Variants in L3MBTL3 observed in about 807,000 individuals in gnomAD.
The protein encoded by L3MBTL3 is lethal(3)malignant brain tumor-like protein 3.
L3MBTL3 carries 27 observed loss-of-function variants against 102.3 expected under a neutral mutation model. The observed-to-expected ratio is 0.26, with a 90% CI of 0.19 to 0.36. L3MBTL3 has a LOEUF of 0.36. Among genes scored for constraint, L3MBTL3 ranks in the 10% least tolerant of loss-of-function variants. L3MBTL3 has a pLI of 1.00. For synonymous variants in L3MBTL3, 340 were observed against 320.9 expected, an observed-to-expected ratio of 1.06 and a Z score of -0.64; for missense variants, 798 against 955.3, an observed-to-expected ratio of 0.84 and a Z score of 2.17.
intron 10 of L3MBTL3, among the ~76,000 whole-genome samples, chr6:130,062,990 C>CTTTTTT (rs367985147): frequency 1.6e-5 from 2 of 126,206 alleles, no homozygotes; most frequent in Non-Finnish European, 1.6e-5. Flanking sequence ...TCTTGCCTTT[C>CTTTTTT]TTTTTTTTTT....
chr6:130,099,913 A>G (rs1784581201), intron 18 of L3MBTL3, among the ~76,000 whole-genome samples: 1 of 152,212 alleles, frequency 6.6e-6, no homozygotes, highest in African/African-American at 2.4e-5. Flanking sequence ...CACACAATCC[A>G]TGTTAGTTCT....
intron 19 of L3MBTL3, among the ~76,000 whole-genome samples, chr6:130,120,163 C>A (rs1238027261): frequency 6.6e-6 from 1 of 151,926 alleles, no homozygotes; most frequent in African/African-American, 2.4e-5. Context: ...TATTGTGAAC[C>A]CTGAGAATGG....
chr6:130,114,458 A>C (rs1321246114), intron 19 of L3MBTL3, among the ~76,000 whole-genome samples: 1 of 152,200 alleles, frequency 6.6e-6, no homozygotes, highest in Non-Finnish European at 1.5e-5. Flanking sequence ...CTCTTAAGAG[A>C]CATCATCTTT....
intron 20 of L3MBTL3, among the ~76,000 whole-genome samples, chr6:130,123,660 C>T (rs939170159): frequency 3.3e-5 from 5 of 152,086 alleles, no homozygotes; most frequent in African/African-American, 1.2e-4. Context: ...CTTTTAACAT[C>T]TTTCTTAGCC....
intron 16 of L3MBTL3, among the ~76,000 whole-genome samples, chr6:130,090,432 A>G (rs916969783): frequency 8.5e-5 from 13 of 152,340 alleles, no homozygotes; most frequent in Middle Eastern, 3.4e-3. Flanking sequence ...TCAGTGGTCT[A>G]TGAGAACACC....
intron 4 of L3MBTL3, 94 bp from the exon 5 acceptor site, chr6:130,049,662 G>C (rs773863617): frequency 1.4e-6 from 2 of 1,443,146 alleles, no homozygotes; most frequent in South Asian, 1.2e-5. Context: ...CTACACAGGT[G>C]ATTTAGCCAA....
chr6:130,068,346 A>T lies in L3MBTL3; in HGVS notation c.1017A>T (p.Glu339Asp). The T allele has an allele frequency of 6.3e-7, 1 of 1,593,278 alleles. No individual in the cohort carries two copies. The highest frequency in any genetic ancestry group is 1.7e-5 in the Admixed American group (1 of 59,946). ...LHPPKGYKEEEFNWQTYLKTC... is the reference protein window; with the variant it reads ...LHPPKGYKEEDFNWQTYLKTC... Reference sequence around the variant, plus strand: ...TTACTCTAGGGTATAAAGAAGAAGAATTCAATTGGCAGACCTATCTTAAGA... The same window carrying T: ...TTACTCTAGGGTATAAAGAAGAAGATTTCAATTGGCAGACCTATCTTAAGA... Residue 339 changes from glutamate to aspartate, a missense_variant, in exon 12 of 23, where the codon GAA becomes GAT. Around this residue, in one of 4 missense-constraint regions of L3MBTL3, gnomAD observed 434 missense variants for 506.6 expected, o/e 0.86. Coordinates refer to ENST00000361794, the MANE Select transcript of L3MBTL3 (RefSeq NM_032438.4).
rs145085741 is a variant in L3MBTL3, at chr6:130,127,864, A to G, written c.1967-5588A>G. ...GCTGCTAGTTTATATAACTTTTATT[A>G]TCCAAATAATACGTTTATTATAGAA... is the stretch of plus-strand genomic sequence containing the variant. On this transcript the variant is annotated intron_variant, in intron 20 of 22. Transcript: ENST00000361794. Among the ~76,000 whole-genome samples, 242 of 152,276 alleles carry G rather than the reference A, an allele frequency of 1.6e-3. 7 individuals are homozygous for G. The East Asian group carries it at 0.042, about 26-fold the overall frequency.
At chr6:130,054,728 A>C (rs1781349254) in intron 7 of L3MBTL3, among the ~76,000 whole-genome samples, 1 of 152,172 alleles carries the variant, frequency 6.6e-6, no homozygotes, top group South Asian at 2.1e-4. Context: ...ACATGGAGTA[A>C]GGAAGAGGAA....
In L3MBTL3 at chr6:130,060,019, C is replaced by G. The variant is rs114435255; in HGVS notation, c.760-17C>G. The stretch of plus-strand genomic sequence containing the variant: ...TTTGGGATAAGGGACTAAAACTGCT[C>G]TCATTTTGCATTTTAGCATCAATCC... On this transcript the variant is annotated splice_polypyrimidine_tract_variant and intron_variant, in intron 9 of 22. Transcript: ENST00000361794. The G allele has an allele frequency of 2.7e-4, 404 of 1,503,620 alleles. 1 individual carries two copies. The African/African-American group carries it at 4.6e-3, about 17-fold the overall frequency. 93.1% of individuals were successfully genotyped at this position (1,503,620 alleles called of 1,614,324 possible). A position where few individuals can be genotyped will look rare whatever the true frequency, so the allele number is the denominator to read the frequency against.
chr6:130,020,259 G>A (rs1778892183), intron 1 of L3MBTL3, among the ~76,000 whole-genome samples: 1 of 151,310 alleles, frequency 6.6e-6, no homozygotes, highest in Non-Finnish European at 1.5e-5. Context: ...AGAGGCCGGC[G>A]GGGGTGGGGA....
intron 20 of L3MBTL3, among the ~76,000 whole-genome samples, chr6:130,123,572 C>A (rs1786387766): frequency 6.6e-6 from 1 of 152,024 alleles, no homozygotes. Context: ...TCTTCTTTTT[C>A]ATGTTTCTGA....
intron 11 of L3MBTL3, 52 bp downstream of exon 11, chr6:130,066,540 T>C: frequency 6.9e-7 from 1 of 1,458,446 alleles, no homozygotes; most frequent in Non-Finnish European, 9.5e-7. Flanking sequence ...CTCATTTTCT[T>C]ACATGCTACA....
chr6:130,034,979 G>A (rs923930567), intron 2 of L3MBTL3, among the ~76,000 whole-genome samples: 3 of 152,154 alleles, frequency 2.0e-5, no homozygotes, highest in Non-Finnish European at 4.4e-5. Flanking sequence ...TATAGTTAAC[G>A]AGTACTAGTT....
chr6:130,124,168 T>C (rs1365122187), intron 20 of L3MBTL3, among the ~76,000 whole-genome samples: 2 of 152,166 alleles, frequency 1.3e-5, no homozygotes, highest in Non-Finnish European at 2.9e-5. Flanking sequence ...TATCTCTAAA[T>C]TGACCAATCC....
In L3MBTL3 at chr6:130,057,415, C is replaced by T. The variant is rs769355434; in HGVS notation, c.677C>T (p.Pro226Leu). Residue 226 changes from proline to leucine, a missense_variant, in exon 9 of 23, where the codon CCT becomes CTT. Transcript: ENST00000361794. ...CTTGCTTGCCTTTCAGGTTTGCCTC[C>T]TAAAGGAAAGAAAGCGTGGTGCTGG... The part of the protein sequence containing the change: ...DSAVLKQGLP[P>L]KGKKAWCWAS... The T allele has an allele frequency of 4.4e-6, 7 of 1,608,210 alleles. No individual in the cohort carries two copies. The highest frequency in any genetic ancestry group is 5.9e-6 in the Non-Finnish European group (7 of 1,177,974).
intron 2 of L3MBTL3, among the ~76,000 whole-genome samples, chr6:130,029,271 A>G (rs1463646990): frequency 6.6e-6 from 1 of 152,178 alleles, no homozygotes; most frequent in Non-Finnish European, 1.5e-5. Flanking sequence ...CTCCCACTGT[A>G]GCCCCTTTGG....
intron 9 of L3MBTL3, among the ~76,000 whole-genome samples, chr6:130,059,417 T>C (rs1167841627): frequency 1.3e-5 from 2 of 152,232 alleles, no homozygotes; most frequent in Non-Finnish European, 2.9e-5. Context: ...TAGCAATACA[T>C]AGTATTCCAT....
chr6:130,125,657 A>G (rs959673912), intron 20 of L3MBTL3, among the ~76,000 whole-genome samples: 7 of 152,220 alleles, frequency 4.6e-5, no homozygotes, highest in African/African-American at 1.7e-4. Context: ...GTGAACCTAC[A>G]GGTGCCCACC....
Sources: gnomAD v4.1 joint callset for allele counts (sites outside exome capture counted in the v4.1 genomes callset) on GRCh38, gnomAD v4.1.1 for gene constraint, gnomAD v4.1.1 regional missense constraint, MANE v1.5 for transcripts, NCBI Gene and HGNC (gene_info 2026-07-23, HGNC 2026-07-21) for gene names.